Variants in AOPEP observed in about 807,000 individuals in gnomAD.
The protein encoded by AOPEP is aminopeptidase O (putative), also known as aminopeptidase O.
Under a neutral mutation model 98.1 loss-of-function variants are expected in AOPEP, and 77 were observed. The observed-to-expected ratio is 0.78, with a 90% CI of 0.65 to 0.95. The LOEUF (loss-of-function observed/expected upper bound fraction) is 0.95. AOPEP is among the 40% of genes least tolerant of loss of function. AOPEP has a pLI of 0.00. For synonymous variants in AOPEP, 346 were observed against 365.3 expected (o/e 0.95, Z 0.60); for missense variants, 1,024 against 1,024.7 (o/e 1.00, Z 0.01).
chr9:95,086,727 G>T lies in AOPEP; in HGVS notation c.*50G>T, dbSNP rs2070748600. The T allele has an allele frequency of 1.0e-6, 1 of 988,310 alleles. No homozygotes were observed. Among genetic ancestry groups the T allele is most frequent in the Non-Finnish European group, 1.2e-6 (1 of 830,416 alleles). The allele number at this position is 988,310 out of a possible 1,614,324, so 61.2% of individuals were successfully genotyped here. On this transcript the variant is annotated 3_prime_UTR_variant, in exon 17 of 17. Coordinates refer to ENST00000375315, the MANE Select transcript of AOPEP (RefSeq NM_001193329.3). ...TTTCATTCGTCTCCTCCTAGCCTGG[G>T]GGACCAGGCTCGAACTGACCCTGGA...
chr9:94,841,210 C>T (rs1049588540), intron 5 of AOPEP, among the ~76,000 whole-genome samples: 36 of 145,734 alleles, frequency 2.5e-4, no homozygotes, highest in African/African-American at 7.4e-4. Flanking sequence ...CTCACTCTGT[C>T]GCCCAGGCTA....
At chr9:94,991,058 G>A (rs2060863631) in intron 11 of AOPEP, among the ~76,000 whole-genome samples, 4 of 152,126 alleles carry the variant, frequency 2.6e-5, no homozygotes, top group Admixed American at 1.3e-4. Flanking sequence ...GTTTGACATC[G>A]CACAGCATCA....
chr9:94,907,848 T>C (rs2051399082), intron 5 of AOPEP, among the ~76,000 whole-genome samples: 1 of 152,150 alleles, frequency 6.6e-6, no homozygotes, highest in Non-Finnish European at 1.5e-5. Context: ...GCAAGATTAG[T>C]CCCCAGTCTT....
At chr9:94,832,515 A>G (rs1423808054) in intron 5 of AOPEP, among the ~76,000 whole-genome samples, 1 of 152,208 alleles carries the variant, frequency 6.6e-6, no homozygotes, top group Non-Finnish European at 1.5e-5. Context: ...TTTGACTCCA[A>G]ATCTTATGAA....
intron 5 of AOPEP, among the ~76,000 whole-genome samples, chr9:94,839,310 G>A (rs535039641): frequency 2.0e-5 from 3 of 152,000 alleles, no homozygotes; most frequent in South Asian, 4.2e-4. Context: ...GGTTGGTCTC[G>A]ATCTCCTGAC....
intron 7 of AOPEP, chr9:94,933,213 A>G: frequency 1.0e-6 from 1 of 985,636 alleles, no homozygotes; most frequent in Non-Finnish European, 1.2e-6. Context: ...CTTGCCTGAG[A>G]TGCATGGCAG....
chr9:95,041,701 T>G (rs2065330249), intron 13 of AOPEP, among the ~76,000 whole-genome samples: 1 of 152,160 alleles, frequency 6.6e-6, no homozygotes, highest in Non-Finnish European at 1.5e-5. Flanking sequence ...GGAATCGCTC[T>G]TAGATTTGAT....
At chr9:94,803,480 G>A (rs991118011) in intron 5 of AOPEP, among the ~76,000 whole-genome samples, 2 of 152,128 alleles carry the variant, frequency 1.3e-5, no homozygotes, top group Non-Finnish European at 2.9e-5. Flanking sequence ...ACGTATCATA[G>A]TTTTTATTGA....
chr9:95,040,348 G>C (rs1362125094), intron 13 of AOPEP, among the ~76,000 whole-genome samples: 1 of 152,254 alleles, frequency 6.6e-6, no homozygotes, highest in African/African-American at 2.4e-5. Context: ...ATGGTTTCTT[G>C]AGAACTGGAG....
At chr9:94,779,940 C>G (rs1842921408) in intron 3 of AOPEP, among the ~76,000 whole-genome samples, 1 of 152,192 alleles carries the variant, frequency 6.6e-6, no homozygotes, top group African/African-American at 2.4e-5. Flanking sequence ...CTCATTATCT[C>G]TTGATAATTA....
chr9:95,062,040 G>C (rs1404177341), intron 14 of AOPEP, among the ~76,000 whole-genome samples: 2 of 152,202 alleles, frequency 1.3e-5, no homozygotes, highest in African/African-American at 2.4e-5. Context: ...CCAGAGGGGA[G>C]GATCAGAGCA....
At chr9:95,070,761 A>G (rs891584224) in intron 14 of AOPEP, among the ~76,000 whole-genome samples, 5 of 152,256 alleles carry the variant, frequency 3.3e-5, no homozygotes, top group Admixed American at 1.3e-4. Flanking sequence ...CTGCAAGCCC[A>G]ACTCTGAGAG....
chr9:94,797,672 C>T (rs1847300563), intron 4 of AOPEP, among the ~76,000 whole-genome samples: 1 of 150,964 alleles, frequency 6.6e-6, no homozygotes, highest in South Asian at 2.1e-4. Flanking sequence ...AACATTCAGT[C>T]TCCACAGTAA....
chr9:94,769,117 G>T (rs911808561), intron 2 of AOPEP, among the ~76,000 whole-genome samples: 3 of 152,182 alleles, frequency 2.0e-5, no homozygotes, highest in Non-Finnish European at 2.9e-5. Flanking sequence ...TTAGTCTGGA[G>T]TCACTATGTA....
chr9:95,131,598 A>G, the AOPEP span, among the ~76,000 whole-genome samples: 2 of 152,200 alleles, frequency 1.3e-5, no homozygotes, highest in Admixed American at 1.3e-4. Context: ...GCTTTTAGCC[A>G]TACACATCAG....
At chr9:95,079,345 T>C (rs1431946352) in intron 14 of AOPEP, among the ~76,000 whole-genome samples, 2 of 152,252 alleles carry the variant, frequency 1.3e-5, no homozygotes, top group Non-Finnish European at 2.9e-5. Flanking sequence ...ATTGCTTACA[T>C]TTAATTATTG....
chr9:94,850,034 CAAAA>C (rs11309177), intron 5 of AOPEP, among the ~76,000 whole-genome samples: 4 of 113,208 alleles, frequency 3.5e-5, no homozygotes, highest in Non-Finnish European at 5.6e-5. Context: ...GATTCCATCT[CAAAA>C]AAAAAAAAAA....
chr9:95,140,898 G>A, the AOPEP span, among the ~76,000 whole-genome samples: 3 of 152,062 alleles, frequency 2.0e-5, no homozygotes, highest in Non-Finnish European at 4.4e-5. Context: ...CAGAAGAAAT[G>A]TGCAAACCCA....
intron 7 of AOPEP, among the ~76,000 whole-genome samples, chr9:94,939,264 A>G (rs945562601): frequency 3.9e-5 from 6 of 152,078 alleles, no homozygotes; most frequent in African/African-American, 1.4e-4. Context: ...AAAAAAAAAA[A>G]AGAAGGCTTC....
Sources: gnomAD v4.1 joint callset for allele counts (sites outside exome capture counted in the v4.1 genomes callset) on GRCh38, gnomAD v4.1.1 for gene constraint, MANE v1.5 for transcripts, NCBI Gene and HGNC (gene_info 2026-07-23, HGNC 2026-07-21) for gene names.